Variants in LCE4A observed in about 807,000 individuals in gnomAD.
LCE4A encodes the protein late cornified envelope 4A, also known as late cornified envelope protein 4A.
For missense variants in LCE4A, 110 were observed against 111.3 expected (o/e 0.99, Z 0.05); for synonymous variants, 41 against 42.3 (o/e 0.97, Z 0.12).
chr1:152,709,151 C>T lies in LCE4A; in HGVS notation c.76C>T (p.Pro26Ser), dbSNP rs760448181. The change falls in exon 2 of 2, where the codon CCC becomes TCC. Residue 26 changes from proline (P) to serine (S), a missense_variant. By Grantham distance (74) the Pro-to-Ser change is moderately conservative (BLOSUM62 -1). Transcript: ENST00000368777. ...TATCCCCAAGTATCCCCCAAAATGT[C>T]CCTCAAAGTGTGCATCCTCATGCCC... Reference protein sequence around the residue: ...CPIPKYPPKCPSKCASSCPPP... With the variant: ...CPIPKYPPKCSSKCASSCPPP... 1.2e-6 allele frequency: 2 copies of T among 1,613,820 alleles called. No homozygotes were observed. Among genetic ancestry groups the T allele is most frequent in the African/African-American group, 1.3e-5 (1 of 74,846 alleles).
rs1333620462 is a variant in LCE4A, at chr1:152,709,339, G to A, written c.264G>A (p.Gly88=). 1.2e-6 allele frequency: 2 copies of A among 1,605,786 alleles called. No individual in the cohort carries two copies. Among genetic ancestry groups the A allele is most frequent in the Non-Finnish European group, 1.7e-6 (2 of 1,174,668 alleles). Reference sequence around the variant, plus strand: ...GCAGTGGCAGTGGCCAGCAGTCTGGGGGTTCTGGCTGCTGCTCTGGAGGGG... The same window carrying A: ...GCAGTGGCAGTGGCCAGCAGTCTGGAGGTTCTGGCTGCTGCTCTGGAGGGG... ...CYGSGSGQQS[G]GSGCCSGGGC... The change falls in exon 2 of 2, where the codon GGG becomes GGA. Residue 88 remains glycine (G), a synonymous_variant. Transcript: ENST00000368777.
rs951748191 is a variant in LCE4A at position 152,709,121 on chromosome 1, T to C, written c.46T>C (p.Cys16Arg). Reference sequence around the variant, plus strand: ...ACAGCAGTGCCAGCCCCCTCCCAAGTGTCCTATCCCCAAGTATCCCCCAAA... The same window carrying C: ...ACAGCAGTGCCAGCCCCCTCCCAAGCGTCCTATCCCCAAGTATCCCCCAAA... ...NQQQCQPPPK[C>R]PIPKYPPKCP... The change falls in exon 2 of 2, where the codon TGT becomes CGT. Residue 16 changes from cysteine (C) to arginine (R), a missense_variant. Coordinates refer to ENST00000368777, the MANE Select transcript of LCE4A (RefSeq NM_001387222.1). 1 of 1,613,164 alleles carries C rather than the reference T, an allele frequency of 6.2e-7. No homozygotes were observed. Among genetic ancestry groups the C allele is most frequent in the Admixed American group, 1.7e-5 (1 of 59,952 alleles).
Position 152,709,069 on chromosome 1 carries a change from C to T in LCE4A, c.-7C>T, listed in dbSNP as rs774219912. 2.5e-6 allele frequency: 4 copies of T among 1,609,856 alleles called. No individual in the cohort carries two copies. Among genetic ancestry groups the T allele is most frequent in the Admixed American group, 1.7e-5 (1 of 59,818 alleles). On this transcript the variant is annotated 5_prime_UTR_variant, in exon 2 of 2. Coordinates refer to ENST00000368777, the MANE Select transcript of LCE4A (RefSeq NM_001387222.1). Reference sequence around the variant, plus strand: ...TTGTCATTCAGGTTTATCGAAATCCCACCAAGATGTCCTGCCAGCAGAACC... The same window carrying T: ...TTGTCATTCAGGTTTATCGAAATCCTACCAAGATGTCCTGCCAGCAGAACC...
In LCE4A at chr1:152,709,382, C is replaced by T; in HGVS notation, c.*7C>T. 1.3e-6 allele frequency: 2 copies of T among 1,555,738 alleles called. No homozygotes were observed. The highest frequency in any genetic ancestry group is 1.2e-5 in the South Asian group (1 of 80,988). The stretch of plus-strand genomic sequence containing the variant: ...TGGAGGGGGCTGTTGCTGACCTGGA[C>T]CAGGAGCAGCACCAAAGGAATTAGT... On this transcript the variant is annotated 3_prime_UTR_variant, in exon 2 of 2. Coordinates refer to ENST00000368777, the MANE Select transcript of LCE4A (RefSeq NM_001387222.1).
At chr1:152,708,964 T>C in intron 1 of LCE4A, 91 bp from the exon 2 acceptor site, 1 of 777,120 alleles carries the variant, frequency 1.3e-6, no homozygotes, top group Non-Finnish European at 2.1e-6. Flanking sequence ...GATATTCCTC[T>C]TCATCACCTT....
rs753873302 is a variant in LCE4A at position 152,709,386 on chromosome 1, G to A, written c.*11G>A. 18 of 1,544,522 alleles carry A rather than the reference G, an allele frequency of 1.2e-5. No individual in the cohort carries two copies. The Admixed American group carries it at 1.6e-4, about 14-fold the overall frequency. ...GGGGGCTGTTGCTGACCTGGACCAG[G>A]AGCAGCACCAAAGGAATTAGTGGGC... On this transcript the variant is annotated 3_prime_UTR_variant, in exon 2 of 2. Transcript: ENST00000368777.
rs781172783 is a variant in LCE4A, at chr1:152,709,408, G to A, written c.*33G>A. On this transcript the variant is annotated 3_prime_UTR_variant, in exon 2 of 2. Transcript: ENST00000368777. ...CAGGAGCAGCACCAAAGGAATTAGT[G>A]GGCGAAGGACCCATTGCAGCCTGGT... 2.9e-5 allele frequency: 44 copies of A among 1,519,240 alleles called. No individual in the cohort carries two copies. In the Middle Eastern group the frequency reaches 5.4e-4, roughly 18 times the overall value. The allele number at this position is 1,519,240 out of a possible 1,614,324, so 94.1% of individuals were successfully genotyped here.
Position 152,709,420 on chromosome 1 carries a change from C to A in LCE4A, c.*45C>A, listed in dbSNP as rs376970394. 6.8e-7 allele frequency: 1 copy of A among 1,478,648 alleles called. No individual in the cohort carries two copies. The allele number at this position is 1,478,648 out of a possible 1,614,324, so 91.6% of individuals were successfully genotyped here. On this transcript the variant is annotated 3_prime_UTR_variant, in exon 2 of 2. Coordinates refer to ENST00000368777, the MANE Select transcript of LCE4A (RefSeq NM_001387222.1). ...CAAAGGAATTAGTGGGCGAAGGACC[C>A]ATTGCAGCCTGGTGTTTTACCTCCT...
chr1:152,709,194 G>T lies in LCE4A; in HGVS notation c.119G>T (p.Cys40Phe), dbSNP rs371078921. ...ASSCPPPISS[C>F]CGSSSGGCGC... is the part of the protein sequence containing the mutation. ...TCATGCCCACCTCCAATCTCTTCCT[G>T]CTGTGGCTCCAGCTCTGGGGGCTGT... is the stretch of plus-strand genomic sequence containing the variant. The change falls in exon 2 of 2, where the codon TGC becomes TTC. Residue 40 changes from cysteine (C) to phenylalanine (F), a missense_variant. Physicochemically the swap from Cys to Phe is radical, Grantham distance 205. Transcript: ENST00000368777. 1.3e-4 allele frequency: 217 copies of T among 1,614,028 alleles called. 1 individual carries two copies. The highest frequency in any genetic ancestry group is 4.3e-4 in the Admixed American group (26 of 60,002).
rs1268633699 is a variant in LCE4A at position 152,709,105 on chromosome 1, C to T, written c.30C>T (p.Cys10=). The T allele has an allele frequency of 3.1e-6, 5 of 1,613,192 alleles. No homozygotes were observed. The highest frequency in any genetic ancestry group is 4.2e-6 in the Non-Finnish European group (5 of 1,179,532). The change falls in exon 2 of 2, where the codon TGC becomes TGT. Residue 10 remains cysteine (C), a synonymous_variant. Coordinates refer to ENST00000368777, the MANE Select transcript of LCE4A (RefSeq NM_001387222.1). Reference sequence around the variant, plus strand: ...CCTGCCAGCAGAACCAACAGCAGTGCCAGCCCCCTCCCAAGTGTCCTATCC... The same window carrying T: ...CCTGCCAGCAGAACCAACAGCAGTGTCAGCCCCCTCCCAAGTGTCCTATCC... The part of the protein sequence containing the change: MSCQQNQQQ[C]QPPPKCPIPK...
At position 152,709,139 on chromosome 1, in the gene LCE4A, C is replaced by A; in HGVS notation, c.64C>A (p.Pro22Thr). ...PPPKCPIPKY[P>T]PKCPSKCASS... ...TCCCAAGTGTCCTATCCCCAAGTATCCCCCAAAATGTCCCTCAAAGTGTGC... is the reference window on the plus strand; with the variant it reads ...TCCCAAGTGTCCTATCCCCAAGTATACCCCAAAATGTCCCTCAAAGTGTGC... The change falls in exon 2 of 2, where the codon CCC becomes ACC. Residue 22 changes from proline to threonine, a missense_variant. Coordinates refer to ENST00000368777, the MANE Select transcript of LCE4A (RefSeq NM_001387222.1). 1 of 1,613,832 alleles carries A rather than the reference C, an allele frequency of 6.2e-7. No homozygotes were observed. Among genetic ancestry groups the A allele is most frequent in the Non-Finnish European group, 8.5e-7 (1 of 1,179,838 alleles).
rs1272818813 is a variant in LCE4A, at chr1:152,709,094, C to A, written c.19C>A (p.Gln7Lys). The A allele has an allele frequency of 1.2e-6, 2 of 1,612,584 alleles. No homozygotes were observed. The highest frequency in any genetic ancestry group is 2.2e-5 in the South Asian group (2 of 90,826). The change falls in exon 2 of 2, where the codon CAA (glutamine) becomes AAA (lysine). Residue 7 changes from glutamine to lysine, a missense_variant. Gln to Lys is a moderately conservative substitution (Grantham distance 53). Coordinates refer to ENST00000368777, the MANE Select transcript of LCE4A (RefSeq NM_001387222.1). The part of the protein sequence containing the change: MSCQQN[Q>K]QQCQPPPKCP... ...CACCAAGATGTCCTGCCAGCAGAACCAACAGCAGTGCCAGCCCCCTCCCAA... is the reference window on the plus strand; with the variant it reads ...CACCAAGATGTCCTGCCAGCAGAACAAACAGCAGTGCCAGCCCCCTCCCAA...
intron 1 of LCE4A, among the ~76,000 whole-genome samples, chr1:152,708,694 A>G (rs1399273835): frequency 6.6e-6 from 1 of 152,184 alleles, no homozygotes; most frequent in African/African-American, 2.4e-5. Context: ...AACCGTGCAG[A>G]TCTCAAATTT....
In LCE4A at chr1:152,709,395, C is replaced by T; in HGVS notation, c.*20C>T. 1 of 1,532,764 alleles carries T rather than the reference C, an allele frequency of 6.5e-7. No homozygotes were observed. The highest frequency in any genetic ancestry group is 1.8e-4 in the Middle Eastern group (1 of 5,666). The allele number at this position is 1,532,764 out of a possible 1,614,324, so 94.9% of individuals were successfully genotyped here. Reference sequence around the variant, plus strand: ...TGCTGACCTGGACCAGGAGCAGCACCAAAGGAATTAGTGGGCGAAGGACCC... The same window carrying T: ...TGCTGACCTGGACCAGGAGCAGCACTAAAGGAATTAGTGGGCGAAGGACCC... On this transcript the variant is annotated 3_prime_UTR_variant, in exon 2 of 2. Coordinates refer to ENST00000368777, the MANE Select transcript of LCE4A (RefSeq NM_001387222.1).
chr1:152,709,215 G>GCTGCTGTAGCTCTGGGGT lies in LCE4A; in HGVS notation c.143_144insCTGTAGCTCTGGGGTCTG (p.Cys48_Gly49insCysSerSerGlyValCys), dbSNP rs771640658. ...TCCTGCTGTGGCTCCAGCTCTGGGG[G>GCTGCTGTAGCTCTGGGGT]CTGTGGTTGCTGCAGCTCTGAGGGA... On this transcript the variant is annotated inframe_insertion, in exon 2 of 2. Coordinates refer to ENST00000368777, the MANE Select transcript of LCE4A (RefSeq NM_001387222.1). The GCTGCTGTAGCTCTGGGGT allele has an allele frequency of 6.2e-7, 1 of 1,613,926 alleles. No individual in the cohort carries two copies. The highest frequency in any genetic ancestry group is 1.3e-5 in the African/African-American group (1 of 74,884).
At chr1:152,708,566 G>T (rs951709932) in intron 1 of LCE4A, among the ~76,000 whole-genome samples, 172 bp downstream of exon 1, 1 of 152,214 alleles carries the variant, frequency 6.6e-6, no homozygotes, top group Non-Finnish European at 1.5e-5. Context: ...GAACCAACCT[G>T]GGAAGGATTA....
rs879105357 is a variant in LCE4A, at chr1:152,709,241, G to C, written c.166G>C (p.Gly56Arg). Residue 56 changes from glycine to arginine, a missense_variant, in exon 2 of 2, where the codon GGT becomes CGT. By Grantham distance (125) the Gly-to-Arg change is moderately radical. Coordinates refer to ENST00000368777, the MANE Select transcript of LCE4A (RefSeq NM_001387222.1). ...CTGTGGTTGCTGCAGCTCTGAGGGA[G>C]GTGGCTGCTGCCTGAGCCACCACAG... Reference protein sequence around the residue: ...GGCGCCSSEGGGCCLSHHRHH... With the variant: ...GGCGCCSSEGRGCCLSHHRHH... 4.2e-5 allele frequency: 38 copies of C among 912,228 alleles called. No homozygotes were observed. Among genetic ancestry groups the C allele is most frequent in the Non-Finnish European group, 5.5e-5 (37 of 668,238 alleles). The allele number at this position is 912,228 out of a possible 1,614,324, so 56.5% of individuals were successfully genotyped here.
At position 152,709,039 on chromosome 1, in the gene LCE4A, C is replaced by A. The variant is rs1649737148; in HGVS notation, c.-21-16C>A. The A allele has an allele frequency of 1.3e-6, 2 of 1,520,462 alleles. No individual in the cohort carries two copies. The highest frequency in any genetic ancestry group is 2.8e-5 in the African/African-American group (2 of 72,388). The allele number at this position is 1,520,462 out of a possible 1,614,324, so 94.2% of individuals were successfully genotyped here. On this transcript the variant is annotated splice_polypyrimidine_tract_variant and intron_variant, in intron 1 of 1. Transcript: ENST00000368777. The stretch of plus-strand genomic sequence containing the variant: ...TGATATTAAGTTTCTGTATATGTTT[C>A]TATTTTGTCATTCAGGTTTATCGAA...
At chr1:152,708,873 T>C (rs910191965) in intron 1 of LCE4A, among the ~76,000 whole-genome samples, 182 bp from the exon 2 acceptor site, 1 of 152,094 alleles carries the variant, frequency 6.6e-6, no homozygotes, top group Non-Finnish European at 1.5e-5. Flanking sequence ...ATACTAAGAA[T>C]TTTTGAAAGC....
Sources: gnomAD v4.1 joint callset for allele counts (sites outside exome capture counted in the v4.1 genomes callset) on GRCh38, gnomAD v4.1.1 for gene constraint, MANE v1.5 for transcripts, NCBI Gene and HGNC (gene_info 2026-07-23, HGNC 2026-07-21) for gene names.